ZNF704: variants seen among roughly 807,000 people sequenced by gnomAD.
ZNF704 encodes the protein zinc finger protein 704.
A neutral mutation model predicts 44.7 loss-of-function variants in ZNF704; 10 were observed. That is an observed-to-expected ratio of 0.22 (90% confidence interval 0.14 to 0.38). The LOEUF is 0.38. Among genes scored for constraint, ZNF704 ranks in the 10% least tolerant of loss-of-function variants. The pLI, the probability that ZNF704 is intolerant of heterozygous loss-of-function variation, is 1.00. For missense variants in ZNF704, 390 were observed against 545.5 expected (o/e 0.71, Z 2.84); for synonymous variants, 211 against 207.6 (o/e 1.02, Z -0.14).
chr8:80,883,822 A>C, the ZNF704 span, among the ~76,000 whole-genome samples: 2 of 152,334 alleles, frequency 1.3e-5, no homozygotes, highest in African/African-American at 4.8e-5. Context: ...GTTTCCAATT[A>C]GGGTATTTCG....
chr8:80,859,997 G>A (rs891926776), intron 1 of ZNF704, among the ~76,000 whole-genome samples: 18 of 152,124 alleles, frequency 1.2e-4, no homozygotes, highest in Admixed American at 3.9e-4. Flanking sequence ...TACCCTACAC[G>A]TGCACACACT....
Position 80,652,006 on chromosome 8 carries a change from A to C in ZNF704, c.1032+7579T>G, listed in dbSNP as rs537186655. 2.0e-5 allele frequency among the ~76,000 whole-genome samples: 3 copies of C among 152,278 alleles called. No homozygotes were observed. In the South Asian group the frequency reaches 6.2e-4, roughly 32 times the overall value. The stretch of plus-strand genomic sequence containing the variant: ...TGCAATCAAACTAGAACTCAGGATT[A>C]AGAAACTCACTCAAAACCGCTCAAC... On this transcript the variant is annotated intron_variant, in intron 7 of 8. Coordinates refer to ENST00000327835, the MANE Select transcript of ZNF704 (RefSeq NM_001033723.3).
At chr8:80,699,684 C>G (rs911086614) in intron 2 of ZNF704, among the ~76,000 whole-genome samples, 1 of 152,182 alleles carries the variant, frequency 6.6e-6, no homozygotes, top group Admixed American at 6.5e-5. Context: ...AAAGAGCTTG[C>G]AGACTGGCAC....
intron 2 of ZNF704, among the ~76,000 whole-genome samples, chr8:80,728,913 T>C (rs1806529196): frequency 6.6e-6 from 1 of 152,170 alleles, no homozygotes; most frequent in Admixed American, 6.5e-5. Flanking sequence ...AAGTGACTAG[T>C]CCAGAGAGCT....
intron 2 of ZNF704, among the ~76,000 whole-genome samples, chr8:80,781,672 G>A (rs970877153): frequency 6.6e-6 from 1 of 152,162 alleles, no homozygotes; most frequent in Non-Finnish European, 1.5e-5. Flanking sequence ...ATAATCCCCA[G>A]CAAGTTGGCA....
chr8:80,865,479 G>C (rs574885437), intron 1 of ZNF704, among the ~76,000 whole-genome samples: 6 of 152,138 alleles, frequency 3.9e-5, no homozygotes, highest in Non-Finnish European at 8.8e-5. Context: ...CCATCTCACT[G>C]ATGCGCCAAC....
Position 80,670,733 on chromosome 8 carries a change from G to A in ZNF704, c.559-130C>T, listed in dbSNP as rs140284261. On this transcript the variant is annotated intron_variant, in intron 4 of 8. Transcript: ENST00000327835. Reference sequence around the variant, plus strand: ...TCCCCAGCCTCTTGACTATAACTCAGCACACTATTGTAGGCATCCCTAGGT... The same window carrying A: ...TCCCCAGCCTCTTGACTATAACTCAACACACTATTGTAGGCATCCCTAGGT... 6.1e-6 allele frequency: 4 copies of A among 656,456 alleles called. No individual in the cohort carries two copies. In the East Asian group the frequency reaches 1.1e-4, roughly 18 times the overall value. 40.7% of individuals were successfully genotyped at this position (656,456 alleles called of 1,614,324 possible). A position where few individuals can be genotyped will look rare whatever the true frequency, so the allele number is the denominator to read the frequency against.
At chr8:80,856,988 T>C (rs572365947) in intron 1 of ZNF704, among the ~76,000 whole-genome samples, 1 of 152,192 alleles carries the variant, frequency 6.6e-6, no homozygotes, top group Non-Finnish European at 1.5e-5. Flanking sequence ...GAACATAGTA[T>C]ATCAATTCAT....
chr8:80,649,947 T>C (rs1357315787), intron 7 of ZNF704, among the ~76,000 whole-genome samples: 1 of 152,112 alleles, frequency 6.6e-6, no homozygotes, highest in African/African-American at 2.4e-5. Context: ...CACGGCCGGG[T>C]ACTTCTCTGA....
At chr8:80,643,516 CAAAAAAAAAAA>C (rs1174433192) in intron 7 of ZNF704, among the ~76,000 whole-genome samples, 3 of 23,384 alleles carry the variant, frequency 1.3e-4, no homozygotes, top group Non-Finnish European at 3.0e-4. Flanking sequence ...GATCCTGTCT[CAAAAAAAAAAA>C]AAAAAAAAAA....
intron 3 of ZNF704, among the ~76,000 whole-genome samples, chr8:80,691,018 A>C (rs1193054981): frequency 6.6e-6 from 1 of 152,174 alleles, no homozygotes; most frequent in Non-Finnish European, 1.5e-5. Context: ...CAAATTAAAA[A>C]AAAAAAAAAA....
At chr8:80,662,064 C>T (rs369460261) in intron 6 of ZNF704, among the ~76,000 whole-genome samples, 51 of 152,126 alleles carry the variant, frequency 3.4e-4, no homozygotes, top group African/African-American at 1.0e-3. Flanking sequence ...CCCACAAATA[C>T]GTATAAATAT....
Position 80,656,490 on chromosome 8 carries a change from A to T in ZNF704, c.1032+3095T>A, listed in dbSNP as rs140119288. On this transcript the variant is annotated intron_variant, in intron 7 of 8. Coordinates refer to ENST00000327835, the MANE Select transcript of ZNF704 (RefSeq NM_001033723.3). ...CATTAGGGAAAAACATGTCAAAGAA[A>T]GTTGTAATTAAGGATGTTCTCTTTC... 6.6e-3 allele frequency among the ~76,000 whole-genome samples: 1,006 copies of T among 152,254 alleles called. 12 individuals carry two copies. The highest frequency in any genetic ancestry group is 0.023 in the African/African-American group (976 of 41,536).
chr8:80,674,469 A>C (rs1818330720), intron 4 of ZNF704, among the ~76,000 whole-genome samples: 1 of 152,122 alleles, frequency 6.6e-6, no homozygotes, highest in Admixed American at 6.5e-5. Context: ...TTTTGTGTTG[A>C]GTTAAATCAT....
chr8:80,670,365 T>C lies in ZNF704; in HGVS notation c.659+138A>G, dbSNP rs562786425. On this transcript the variant is annotated intron_variant, in intron 5 of 8. Coordinates refer to ENST00000327835, the MANE Select transcript of ZNF704 (RefSeq NM_001033723.3). ...TGGCTTAGATGATCTGCAGTGGCCA[T>C]CTCTCTAGAGATTAGGAAGACCAAG... 9.1e-5 allele frequency: 56 copies of C among 616,554 alleles called. 1 individual carries two copies. Among genetic ancestry groups the C allele is most frequent in the South Asian group, 5.6e-4 (25 of 45,002 alleles). The allele number at this position is 616,554 out of a possible 1,614,324, so 38.2% of individuals were successfully genotyped here.
At position 80,670,485 on chromosome 8, in the gene ZNF704, A is replaced by G. The variant is rs746878970; in HGVS notation, c.659+18T>C. 3 of 1,597,588 alleles carry G rather than the reference A, an allele frequency of 1.9e-6. No individual in the cohort carries two copies. Among genetic ancestry groups the G allele is most frequent in the South Asian group, 2.2e-5 (2 of 90,760 alleles). The stretch of plus-strand genomic sequence containing the variant: ...TGAGCAGATGGGGGCTGCATCCCTG[A>G]AGAGAGAGCTGCCTTACCCCAGATG... On this transcript the variant is annotated intron_variant, in intron 5 of 8. Coordinates refer to ENST00000327835, the MANE Select transcript of ZNF704 (RefSeq NM_001033723.3).
chr8:80,853,574 AC>A (rs1808907592), intron 1 of ZNF704, among the ~76,000 whole-genome samples: 2 of 152,188 alleles, frequency 1.3e-5, no homozygotes, highest in South Asian at 4.1e-4. Flanking sequence ...AAAAAAGACA[AC>A]GAAACTATAG....
At chr8:80,840,077 A>G (rs1029009798) in intron 1 of ZNF704, among the ~76,000 whole-genome samples, 1 of 152,226 alleles carries the variant, frequency 6.6e-6, no homozygotes, top group African/African-American at 2.4e-5. Context: ...TGCTTCATAA[A>G]TGTTTATTGA....
chr8:80,799,625 C>T (rs1428312078), intron 2 of ZNF704, among the ~76,000 whole-genome samples: 1 of 152,058 alleles, frequency 6.6e-6, no homozygotes, highest in Non-Finnish European at 1.5e-5. Context: ...ACAATGACAT[C>T]AACAAAAAAG....
Sources: allele counts gnomAD v4.1 joint callset (sites outside exome capture counted in the v4.1 genomes callset), GRCh38; gene constraint gnomAD v4.1.1; transcripts MANE v1.5; gene names NCBI Gene and HGNC (gene_info 2026-07-23, HGNC 2026-07-21).